USP13: variants seen among roughly 807,000 people sequenced by gnomAD.
USP13 encodes the protein ubiquitin carboxyl-terminal hydrolase 13.
In USP13, 68 loss-of-function variants were observed where a neutral mutation model predicts 107.8. The ratio of observed to expected loss-of-function variants is 0.63; its 90% confidence interval spans 0.52 to 0.77. The LOEUF is 0.77. Among genes scored for constraint, USP13 ranks in the 30% least tolerant of loss-of-function variants. USP13 has a pLI of 0.00. For synonymous variants in USP13, 377 were observed against 389.5 expected (o/e 0.97, Z 0.38); for missense variants, 945 against 1,093.3 (o/e 0.86, Z 1.91).
At chr3:179,669,263 C>T (rs1255680100) in intron 1 of USP13, among the ~76,000 whole-genome samples, 1 of 152,180 alleles carries the variant, frequency 6.6e-6, no homozygotes, top group Non-Finnish European at 1.5e-5. Flanking sequence ...GAGTTTGAGA[C>T]CAGCCTAGCC....
At position 179,754,787 on chromosome 3, in the gene USP13, G is replaced by A; in HGVS notation, c.1854G>A (p.Gly618=). The change falls in exon 15 of 21, where the codon GGG becomes GGA. Residue 618 remains glycine (G), a synonymous_variant. Coordinates refer to ENST00000263966, the MANE Select transcript of USP13 (RefSeq NM_003940.3). Reference sequence around the variant, plus strand: ...ATATCAACCATCTCCGAGCCAGGGGGTTACAGCCAGGAGAGGAAGAACTTC... The same window carrying A: ...ATATCAACCATCTCCGAGCCAGGGGATTACAGCCAGGAGAGGAAGAACTTC... The part of the protein sequence containing the change: ...LLDINHLRAR[G]LQPGEEELPD... The A allele has an allele frequency of 6.2e-7, 1 of 1,613,402 alleles. No homozygotes were observed. The highest frequency in any genetic ancestry group is 1.3e-5 in the African/African-American group (1 of 74,992).
intron 15 of USP13, 36 bp downstream of exon 15, chr3:179,754,890 C>T (rs1480151331): frequency 1.3e-6 from 2 of 1,579,774 alleles, no homozygotes; most frequent in Non-Finnish European, 1.7e-6. Flanking sequence ...GCGCTACCCT[C>T]CCACCCTGTT....
Position 179,721,665 on chromosome 3 carries a change from T to C in USP13, c.1088+76T>C. The stretch of plus-strand genomic sequence containing the variant: ...TAGGTCCAGTCCACTCAGTGTGCGC[T>C]GCGAAGCCCATCTTTATTGCTTCAG... On this transcript the variant is annotated intron_variant, in intron 8 of 20. Transcript: ENST00000263966. The surrounding 1 kb of genome is among the most constrained non-coding windows in gnomAD (Gnocchi z 4.3). 6.7e-7 allele frequency: 1 copy of C among 1,490,482 alleles called. No individual in the cohort carries two copies. Among genetic ancestry groups the C allele is most frequent in the Non-Finnish European group, 9.1e-7 (1 of 1,103,618 alleles). The allele number at this position is 1,490,482 out of a possible 1,614,324, so 92.3% of individuals were successfully genotyped here. A position where few individuals can be genotyped will look rare whatever the true frequency, so the allele number is the denominator to read the frequency against.
intron 19 of USP13, among the ~76,000 whole-genome samples, chr3:179,774,237 G>T (rs1048047005): frequency 6.6e-6 from 1 of 152,080 alleles, no homozygotes; most frequent in Non-Finnish European, 1.5e-5. Context: ...CCAGGAGAGG[G>T]CACCAAGGTA....
chr3:179,655,801 C>T (rs929887888), intron 1 of USP13, among the ~76,000 whole-genome samples: 3 of 152,110 alleles, frequency 2.0e-5, no homozygotes, highest in East Asian at 1.9e-4. Flanking sequence ...GATCCACTCA[C>T]CTTGGCCTCC....
At chr3:179,725,691 T>TTGTG (rs1359257424) in intron 8 of USP13, among the ~76,000 whole-genome samples, 1 of 152,216 alleles carries the variant, frequency 6.6e-6, no homozygotes, top group Non-Finnish European at 1.5e-5. Flanking sequence ...AATCGTGTGA[T>TTGTG]TGTGTGACAT....
At chr3:179,670,721 A>T (rs4855103) in intron 1 of USP13, among the ~76,000 whole-genome samples, 62,729 of 151,484 alleles carry the variant, frequency 0.41, 13,775 homozygotes, top group African/African-American at 0.55. Flanking sequence ...TTTTTGAGAC[A>T]GATTCTCGCT....
intron 10 of USP13, 46 bp downstream of exon 10, chr3:179,730,755 G>C (rs781542961): frequency 6.4e-6 from 10 of 1,562,360 alleles, no homozygotes; most frequent in Non-Finnish European, 8.8e-6. Flanking sequence ...GTAGGGAGGA[G>C]CTTTAGAATG....
chr3:179,762,795 T>C (rs1224614062), intron 17 of USP13, among the ~76,000 whole-genome samples: 1 of 152,220 alleles, frequency 6.6e-6, no homozygotes, highest in East Asian at 1.9e-4. Context: ...ACTCTATATT[T>C]AATTTTGAGG....
intron 1 of USP13, among the ~76,000 whole-genome samples, chr3:179,658,781 TA>T (rs1720366324): frequency 1.3e-5 from 2 of 152,264 alleles, no homozygotes; most frequent in African/African-American, 4.8e-5. Flanking sequence ...AGGTTTGTTC[TA>T]GGGGTGGAAA....
At chr3:179,731,011 A>G (rs1374050424) in intron 10 of USP13, among the ~76,000 whole-genome samples, 1 of 152,248 alleles carries the variant, frequency 6.6e-6, no homozygotes, top group Non-Finnish European at 1.5e-5. Flanking sequence ...TCATAAAAAT[A>G]TAAACATTTT....
At chr3:179,764,191 G>A (rs753254360) in intron 18 of USP13, 23 bp downstream of exon 18, 2 of 1,524,788 alleles carry the variant, frequency 1.3e-6, no homozygotes, top group Non-Finnish European at 1.8e-6. Flanking sequence ...GACTGTGTGT[G>A]TGTGTGTGTG....
chr3:179,727,161 ATG>A (rs1491541888), intron 8 of USP13, among the ~76,000 whole-genome samples: 56 of 121,406 alleles, frequency 4.6e-4, no homozygotes, highest in African/African-American at 2.0e-3. Context: ...ACAATTTTTA[ATG>A]TTTTTTTTTT....
At chr3:179,682,373 A>T (rs910066342) in intron 2 of USP13, among the ~76,000 whole-genome samples, 2 of 94,322 alleles carry the variant, frequency 2.1e-5, no homozygotes, top group East Asian at 6.9e-4. Context: ...GTTTTTTAGT[A>T]TAAGAAATAG....
intron 1 of USP13, among the ~76,000 whole-genome samples, chr3:179,655,632 G>C (rs77482802): frequency 6.8e-6 from 1 of 147,438 alleles, no homozygotes; most frequent in Non-Finnish European, 1.5e-5. Context: ...TCAGCTCACT[G>C]CAACCTCTGC....
intron 16 of USP13, chr3:179,757,286 A>C (rs1714842318): frequency 7.0e-6 from 4 of 569,154 alleles, no homozygotes; most frequent in Non-Finnish European, 1.2e-5. Flanking sequence ...CATGAAGCTA[A>C]CTAGCCCTGG....
At chr3:179,703,379 C>T (rs1341471445) in intron 4 of USP13, among the ~76,000 whole-genome samples, 1 of 152,176 alleles carries the variant, frequency 6.6e-6, no homozygotes, top group Non-Finnish European at 1.5e-5. Flanking sequence ...CTTCCTTCAT[C>T]TTCTGAGTGT....
intron 10 of USP13, among the ~76,000 whole-genome samples, chr3:179,736,855 C>T (rs544139477): frequency 6.6e-6 from 1 of 152,310 alleles, no homozygotes; most frequent in South Asian, 2.1e-4. Context: ...GTTAAACTTC[C>T]CAGAGCGGCT....
chr3:179,768,513 A>C (rs1715249926), intron 19 of USP13, among the ~76,000 whole-genome samples: 1 of 152,240 alleles, frequency 6.6e-6, no homozygotes, highest in Non-Finnish European at 1.5e-5. Context: ...TATGAGATGC[A>C]CTTAGAAATC....
Sources: allele counts gnomAD v4.1 joint callset (sites outside exome capture counted in the v4.1 genomes callset), GRCh38; gene constraint gnomAD v4.1.1; non-coding constraint Gnocchi (gnomAD v3.1); transcripts MANE v1.5; gene names NCBI Gene and HGNC (gene_info 2026-07-23, HGNC 2026-07-21).